The following DENND1A variants were observed in gnomAD, a reference collection of about 807,000 sequenced individuals.
The protein encoded by DENND1A is DENN domain-containing protein 1A.
In DENND1A, 51 loss-of-function variants were observed where a neutral mutation model predicts 113.7. That is an observed-to-expected ratio of 0.45 (90% CI 0.36 to 0.57). The LOEUF is 0.57. Ranked by LOEUF, DENND1A falls within the 20% of genes least tolerant of loss-of-function variation. The pLI, the probability that DENND1A is intolerant of heterozygous loss-of-function variation, is 0.00. For synonymous variants in DENND1A, 565 were observed against 570.8 expected, an observed-to-expected ratio of 0.99 and a Z score of 0.14; for missense variants, 1,258 against 1,395.9, an observed-to-expected ratio of 0.90 and a Z score of 1.57.
chr9:123,459,714 T>C (rs1415249185), intron 13 of DENND1A, among the ~76,000 whole-genome samples: 1 of 145,662 alleles, frequency 6.9e-6, no homozygotes, highest in African/African-American at 2.5e-5. Context: ...CCCCCAGCCC[T>C]GGTAGCAAAC....
intron 3 of DENND1A, among the ~76,000 whole-genome samples, chr9:123,787,345 G>C (rs912586440): frequency 6.6e-6 from 1 of 152,102 alleles, no homozygotes; most frequent in Non-Finnish European, 1.5e-5. Flanking sequence ...GCATGAGTAA[G>C]TTTTACAATA....
chr9:123,517,161 G>A (rs1217291802), intron 13 of DENND1A, among the ~76,000 whole-genome samples: 1 of 151,294 alleles, frequency 6.6e-6, no homozygotes, highest in Non-Finnish European at 1.5e-5. Context: ...GCTGAGGCAG[G>A]AGAATGGTGT....
chr9:123,519,090 T>C (rs2054176189), intron 13 of DENND1A, among the ~76,000 whole-genome samples: 1 of 152,072 alleles, frequency 6.6e-6, no homozygotes, highest in Non-Finnish European at 1.5e-5. Flanking sequence ...GAACATTTTC[T>C]CCCCTCCACC....
chr9:123,414,501 T>C (rs2044563180), intron 19 of DENND1A: 3 of 1,543,030 alleles, frequency 1.9e-6, no homozygotes, highest in African/African-American at 1.4e-5. Flanking sequence ...GGAGACGCAT[T>C]GTGTGAAGGG....
At chr9:123,928,650 A>T in intron 1 of DENND1A, 1 of 985,420 alleles carries the variant, frequency 1.0e-6, no homozygotes, top group Middle Eastern at 5.2e-4. Context: ...GCTGCAGCGC[A>T]TCTCATACAT....
intron 9 of DENND1A, among the ~76,000 whole-genome samples, chr9:123,631,347 T>C (rs10818850): frequency 0.074 from 11,298 of 152,244 alleles, 608 homozygotes; most frequent in African/African-American, 0.14. Context: ...ACTATATTTA[T>C]ATAATAGACA....
At chr9:123,426,419 T>TA (rs1564466670) in intron 19 of DENND1A, among the ~76,000 whole-genome samples, 1 of 152,162 alleles carries the variant, frequency 6.6e-6, no homozygotes, top group Admixed American at 6.5e-5. Flanking sequence ...TAAGACATTC[T>TA]AGTAGCTGAA....
intron 2 of DENND1A, among the ~76,000 whole-genome samples, chr9:123,796,756 T>TACAC (rs370185315): frequency 0.085 from 12,085 of 141,506 alleles, 995 homozygotes; most frequent in African/African-American, 0.22. Flanking sequence ...TATGTGTACA[T>TACAC]ACACACACAC....
At chr9:123,661,641 G>A (rs895754078) in intron 8 of DENND1A, among the ~76,000 whole-genome samples, 2 of 152,136 alleles carry the variant, frequency 1.3e-5, no homozygotes, top group Admixed American at 6.5e-5. Flanking sequence ...TAAATGTGAC[G>A]GGGCAGCCAT....
At chr9:123,444,580 G>C (rs1314347812) in intron 18 of DENND1A, among the ~76,000 whole-genome samples, 2 of 152,142 alleles carry the variant, frequency 1.3e-5, no homozygotes, top group East Asian at 3.8e-4. Flanking sequence ...CATGAACCAG[G>C]GAGGCAGAGG....
At chr9:123,795,481 G>A (rs1833626913) in intron 2 of DENND1A, among the ~76,000 whole-genome samples, 1 of 152,092 alleles carries the variant, frequency 6.6e-6, no homozygotes, top group Admixed American at 6.5e-5. Flanking sequence ...TTTCAGCATG[G>A]CACATGTACA....
intron 18 of DENND1A, among the ~76,000 whole-genome samples, chr9:123,443,791 C>CA (rs578223414): frequency 4.6e-5 from 7 of 152,104 alleles, no homozygotes; most frequent in Non-Finnish European, 1.0e-4. Flanking sequence ...CCCATATCTA[C>CA]AAAAAAATAT....
intron 13 of DENND1A, among the ~76,000 whole-genome samples, chr9:123,549,543 A>G (rs941744053): frequency 1.3e-5 from 2 of 152,092 alleles, no homozygotes; most frequent in Non-Finnish European, 2.9e-5. Context: ...GCTCCTGCTC[A>G]CAGACTCAGT....
intron 1 of DENND1A, among the ~76,000 whole-genome samples, chr9:123,905,161 A>C (rs1412065749): frequency 6.6e-6 from 1 of 151,908 alleles, no homozygotes; most frequent in African/African-American, 2.4e-5. Context: ...AAATGCTGAG[A>C]GATTTTGTCA....
intron 13 of DENND1A, among the ~76,000 whole-genome samples, chr9:123,501,709 G>C (rs1460906340): frequency 6.6e-6 from 1 of 152,202 alleles, no homozygotes; most frequent in Non-Finnish European, 1.5e-5. Flanking sequence ...GAGTCAGTGG[G>C]CTGGGGAAGG....
At chr9:123,602,199 A>G (rs1227359707) in intron 11 of DENND1A, among the ~76,000 whole-genome samples, 2 of 152,214 alleles carry the variant, frequency 1.3e-5, no homozygotes, top group African/African-American at 4.8e-5. Context: ...ACCAATGCAC[A>G]TACTCCTGTA....
intron 5 of DENND1A, among the ~76,000 whole-genome samples, chr9:123,687,138 G>A (rs537150005): frequency 3.3e-5 from 5 of 152,050 alleles, no homozygotes; most frequent in South Asian, 4.2e-4. Context: ...AAGGAGAGAC[G>A]GGCACACAGA....
chr9:123,532,202 A>G (rs2055377425), intron 13 of DENND1A, among the ~76,000 whole-genome samples: 1 of 152,272 alleles, frequency 6.6e-6, no homozygotes, highest in African/African-American at 2.4e-5. Context: ...AACAGGCATT[A>G]TAACAAACTG....
chr9:123,415,218 T>C (rs1223852016), intron 19 of DENND1A, among the ~76,000 whole-genome samples: 3 of 152,108 alleles, frequency 2.0e-5, no homozygotes, highest in Non-Finnish European at 4.4e-5. Context: ...GGAAGCCACA[T>C]TGCCCCTTCT....
Sources: gnomAD v4.1 joint callset for allele counts (sites outside exome capture counted in the v4.1 genomes callset) on GRCh38, gnomAD v4.1.1 for gene constraint, MANE v1.5 for transcripts, NCBI Gene and HGNC (gene_info 2026-07-23, HGNC 2026-07-21) for gene names.